The following PAPPA variants were observed in gnomAD, a reference collection of about 807,000 sequenced individuals.
PAPPA encodes pappalysin-1.
Under a neutral mutation model 164.0 loss-of-function variants are expected in PAPPA, and 60 were observed. The observed-to-expected ratio is 0.37, with a 90% confidence interval of 0.30 to 0.45. The LOEUF (loss-of-function observed/expected upper bound fraction) is 0.45, where lower values mean the gene tolerates loss of function less well. Ranked by LOEUF, PAPPA falls within the 20% of genes least tolerant of loss-of-function variation. The probability of loss-of-function intolerance (pLI) is 1.00; values close to 1 mark genes in which losing one functional copy is unlikely to be tolerated. For missense variants in PAPPA, 1,782 were observed against 2,087.3 expected, an observed-to-expected ratio of 0.85 and a Z score of 2.85; for synonymous variants, 875 against 814.1, an observed-to-expected ratio of 1.07 and a Z score of -1.27.
chr9:116,273,903 T>G (rs2118830261), intron 9 of PAPPA, among the ~76,000 whole-genome samples: 1 of 152,360 alleles, frequency 6.6e-6, no homozygotes, highest in South Asian at 2.1e-4. Flanking sequence ...TGCTTAATAC[T>G]TCTTATATAC....
At chr9:116,170,562 C>T (rs1843764869) in intron 1 of PAPPA, among the ~76,000 whole-genome samples, 1 of 151,796 alleles carries the variant, frequency 6.6e-6, no homozygotes. Context: ...CTCTTCCATC[C>T]ATTACCCATC....
At chr9:116,192,964 C>G (rs538179613) in intron 2 of PAPPA, among the ~76,000 whole-genome samples, 1 of 152,226 alleles carries the variant, frequency 6.6e-6, no homozygotes, top group South Asian at 2.1e-4. Flanking sequence ...CCCTTCCAAA[C>G]CCTGGCACCC....
chr9:116,177,246 A>G (rs961686467), intron 1 of PAPPA, among the ~76,000 whole-genome samples: 2 of 152,288 alleles, frequency 1.3e-5, no homozygotes, highest in Middle Eastern at 3.4e-3. Flanking sequence ...AGCTGCCTCA[A>G]GGTCATCACA....
chr9:116,170,762 T>C (rs944381957), intron 1 of PAPPA, among the ~76,000 whole-genome samples: 4 of 152,012 alleles, frequency 2.6e-5, no homozygotes, highest in Non-Finnish European at 5.9e-5. Context: ...TCCATTCATC[T>C]GTCCATCCAT....
At chr9:116,228,964 C>A (rs940710239) in intron 6 of PAPPA, among the ~76,000 whole-genome samples, 6 of 152,096 alleles carry the variant, frequency 3.9e-5, no homozygotes, top group African/African-American at 1.2e-4. Context: ...CACTAGTGAC[C>A]AACACAGGCA....
chr9:116,271,203 A>C lies in PAPPA; in HGVS notation c.2862-122A>C. 3 of 674,502 alleles carry C rather than the reference A, an allele frequency of 4.4e-6. No individual in the cohort carries two copies. In the South Asian group the frequency reaches 5.3e-5, roughly 12 times the overall value. The allele number at this position is 674,502 out of a possible 1,614,324, so 41.8% of individuals were successfully genotyped here. ...TGAAGATGAAGAAGCAGAGACTCAG[A>C]CAGAGAAAGGGATTTGTGCAAGGTC... On this transcript the variant is annotated intron_variant, in intron 8 of 21. Transcript: ENST00000328252. This position sits in a 1 kb window ranked among gnomAD's most constrained non-coding sequence, Gnocchi z 4.2.
intron 17 of PAPPA, among the ~76,000 whole-genome samples, chr9:116,357,775 G>A (rs555702407): frequency 6.6e-6 from 1 of 152,168 alleles, no homozygotes; most frequent in Non-Finnish European, 1.5e-5. Flanking sequence ...CTTGGGATGG[G>A]GACGGGGTCT....
chr9:116,297,720 C>T (rs187609361), intron 9 of PAPPA, among the ~76,000 whole-genome samples: 28 of 152,254 alleles, frequency 1.8e-4, no homozygotes, highest in Admixed American at 3.9e-4. Flanking sequence ...CATGTCTATC[C>T]TTCAAGATAC....
At chr9:116,349,105 G>C (rs1483622799) in intron 15 of PAPPA, among the ~76,000 whole-genome samples, 2 of 151,842 alleles carry the variant, frequency 1.3e-5, no homozygotes, top group Non-Finnish European at 2.9e-5. Context: ...TTCCGTTAAA[G>C]TCTACCCCTT....
At chr9:116,331,864 C>G (rs923053788) in intron 11 of PAPPA, among the ~76,000 whole-genome samples, 8 of 152,174 alleles carry the variant, frequency 5.3e-5, no homozygotes, top group Admixed American at 2.0e-4. Context: ...TTAGCTTTCT[C>G]TCCTCAAAGC....
Position 116,271,292 on chromosome 9 carries a change from T to C in PAPPA, c.2862-33T>C, listed in dbSNP as rs769833671. 3.9e-6 allele frequency: 6 copies of C among 1,532,658 alleles called. No individual in the cohort carries two copies. The highest frequency in any genetic ancestry group is 2.2e-5 in the East Asian group (1 of 44,460). 94.9% of individuals were successfully genotyped at this position (1,532,658 alleles called of 1,614,324 possible). On this transcript the variant is annotated intron_variant, in intron 8 of 21. Transcript: ENST00000328252. The surrounding 1 kb of genome is among the most constrained non-coding windows in gnomAD (Gnocchi z 4.2). ...GTCCAGCCATGGTTTTAAGACTAAA[T>C]TGGCAAATTTCTCTTCCATATCTGC...
intron 2 of PAPPA, among the ~76,000 whole-genome samples, chr9:116,205,522 C>G (rs1011562333): frequency 3.3e-5 from 5 of 152,140 alleles, no homozygotes; most frequent in Non-Finnish European, 7.4e-5. Context: ...TTTTCATTCT[C>G]CTCCCATGCA....
In PAPPA at chr9:116,269,255, T is replaced by C. The variant is rs1845110395; in HGVS notation, c.2862-2070T>C. On this transcript the variant is annotated intron_variant, in intron 8 of 21. Transcript: ENST00000328252. ...AATACACAAAGAGATTACAGAGGTT[T>C]TCTCAAGCTTCCACATCTGGTAAGA... 2.6e-5 allele frequency among the ~76,000 whole-genome samples: 4 copies of C among 152,302 alleles called. No homozygotes were observed. In the South Asian group the frequency reaches 8.3e-4, roughly 32 times the overall value.
At chr9:116,173,164 G>GC (rs1329432918) in intron 1 of PAPPA, among the ~76,000 whole-genome samples, 1 of 152,096 alleles carries the variant, frequency 6.6e-6, no homozygotes, top group Non-Finnish European at 1.5e-5. Flanking sequence ...AAATTATGAA[G>GC]CCCCAAAGAG....
intron 1 of PAPPA, among the ~76,000 whole-genome samples, chr9:116,177,920 T>C (rs977813880): frequency 2.0e-5 from 3 of 152,108 alleles, no homozygotes; most frequent in African/African-American, 4.8e-5. Flanking sequence ...CTTTCTTACG[T>C]TGATGTGCAC....
At chr9:116,385,234 A>AAAAT (rs142801371) in intron 21 of PAPPA, among the ~76,000 whole-genome samples, 14 of 139,548 alleles carry the variant, frequency 1.0e-4, no homozygotes, top group Admixed American at 2.2e-4. Context: ...ACTCCATCTC[A>AAAAT]AAATAAATAA....
At chr9:116,203,447 C>T (rs1844194201) in intron 2 of PAPPA, among the ~76,000 whole-genome samples, 1 of 152,114 alleles carries the variant, frequency 6.6e-6, no homozygotes, top group South Asian at 2.1e-4. Flanking sequence ...GCCAGAAGCT[C>T]ATTACCTGAT....
intron 15 of PAPPA, among the ~76,000 whole-genome samples, chr9:116,349,937 A>G (rs1846259979): frequency 6.6e-6 from 1 of 152,186 alleles, no homozygotes; most frequent in Admixed American, 6.5e-5. Flanking sequence ...GAGACATGGA[A>G]CTGACAAAAG....
intron 10 of PAPPA, among the ~76,000 whole-genome samples, chr9:116,328,744 T>A (rs181688204): frequency 6.6e-6 from 1 of 152,214 alleles, no homozygotes; most frequent in Non-Finnish European, 1.5e-5. Context: ...CTTCTCTACA[T>A]CATGATCCCC....
Sources: allele counts gnomAD v4.1 joint callset (sites outside exome capture counted in the v4.1 genomes callset), GRCh38; gene constraint gnomAD v4.1.1; non-coding constraint Gnocchi (gnomAD v3.1); transcripts MANE v1.5; gene names NCBI Gene and HGNC (gene_info 2026-07-23, HGNC 2026-07-21).